The following CLSTN1 variants were observed in gnomAD, a reference collection of about 807,000 sequenced individuals.
CLSTN1 encodes calsyntenin 1.
Under a neutral mutation model 108.3 loss-of-function variants are expected in CLSTN1, and 28 were observed. The ratio of observed to expected loss-of-function variants is 0.26; its 90% CI spans 0.19 to 0.35. The LOEUF (loss-of-function observed/expected upper bound fraction) is 0.35, where lower values mean the gene tolerates loss of function less well. CLSTN1 is among the 10% of genes least tolerant of loss of function. The pLI, the probability that CLSTN1 is intolerant of heterozygous loss-of-function variation, is 1.00. For synonymous variants in CLSTN1, 524 were observed against 534.9 expected (o/e 0.98, Z 0.28); for missense variants, 1,157 against 1,302.6 (o/e 0.89, Z 1.72).
intron 2 of CLSTN1, among the ~76,000 whole-genome samples, chr1:9,770,319 TAG>T (rs1652609177): frequency 6.6e-6 from 1 of 152,234 alleles, no homozygotes. Flanking sequence ...TTATTTCATC[TAG>T]AATATCTTAA....
intron 4 of CLSTN1, among the ~76,000 whole-genome samples, chr1:9,753,974 G>A (rs952739777): frequency 4.6e-5 from 7 of 151,986 alleles, no homozygotes; most frequent in African/African-American, 1.7e-4. Flanking sequence ...CACCATACCT[G>A]GCTGTTTATG....
chr1:9,764,207 A>G (rs1652216977), intron 2 of CLSTN1, among the ~76,000 whole-genome samples: 1 of 152,008 alleles, frequency 6.6e-6, no homozygotes, highest in South Asian at 2.1e-4. Flanking sequence ...GTGGGAACTA[A>G]AAGAGTGAGA....
intron 1 of CLSTN1, among the ~76,000 whole-genome samples, chr1:9,814,938 T>C (rs919944192): frequency 1.4e-4 from 21 of 152,028 alleles, no homozygotes; most frequent in African/African-American, 4.6e-4. Context: ...TCTAAACTAG[T>C]TGTAGTTTGA....
At position 9,730,581 on chromosome 1, in the gene CLSTN1, C is replaced by CCCT. The variant is rs751635546; in HGVS notation, c.2870_2872dup (p.Glu957dup). ...TGCGTTCTGGGGGTCGCCCTGCTCCCCCTCCTCCTCCTCGCTGCTCTCCGA... is the reference window on the plus strand; with the variant it reads ...TGCGTTCTGGGGGTCGCCCTGCTCCCCCTCCTCCTCCTCCTCGCTGCTCTCCGA... On this transcript the variant is annotated inframe_insertion, in exon 19 of 19. Coordinates refer to ENST00000377298, the MANE Select transcript of CLSTN1 (RefSeq NM_001009566.3). The surrounding 1 kb of genome is among the most constrained non-coding windows in gnomAD (Gnocchi z 5.6). The CCCT allele has an allele frequency of 2.1e-5, 34 of 1,609,078 alleles. No individual in the cohort carries two copies. Among genetic ancestry groups the CCCT allele is most frequent in the Non-Finnish European group, 2.4e-5 (28 of 1,179,654 alleles).
chr1:9,751,325 T>G, intron 5 of CLSTN1, 148 bp downstream of exon 5: 1 of 696,534 alleles, frequency 1.4e-6, no homozygotes, highest in South Asian at 1.9e-5. Flanking sequence ...TTAAATGTTT[T>G]TACAATTAAA....
intron 10 of CLSTN1, among the ~76,000 whole-genome samples, chr1:9,738,319 TCA>T (rs1174381939): frequency 6.6e-6 from 1 of 152,022 alleles, no homozygotes; most frequent in Non-Finnish European, 1.5e-5. Context: ...ACTCTCCAGG[TCA>T]TGCTGAGGGG....
chr1:9,764,959 C>T (rs1201468034), intron 2 of CLSTN1, among the ~76,000 whole-genome samples: 1 of 152,184 alleles, frequency 6.6e-6, no homozygotes, highest in African/African-American at 2.4e-5. Context: ...CCATTCAAGT[C>T]AATCACGGTT....
chr1:9,789,555 G>A (rs1170422398), intron 1 of CLSTN1, among the ~76,000 whole-genome samples: 2 of 151,356 alleles, frequency 1.3e-5, no homozygotes, highest in African/African-American at 2.4e-5. Flanking sequence ...TCCCAACACC[G>A]ATACCACTTA....
At chr1:9,744,061 A>T in intron 8 of CLSTN1, 56 bp from the exon 9 acceptor site, 1 of 1,595,944 alleles carries the variant, frequency 6.3e-7, no homozygotes, top group Non-Finnish European at 8.6e-7. Flanking sequence ...AGGAGAAATT[A>T]AAGCTGTTTC....
At position 9,733,967 on chromosome 1, in the gene CLSTN1, C is replaced by T; in HGVS notation, c.2281+5G>A. On this transcript the variant is annotated splice_donor_5th_base_variant and intron_variant, in intron 15 of 18. Transcript: ENST00000377298. The stretch of plus-strand genomic sequence containing the variant: ...CCACCTGCGTGGCTGCAGCGCTCCC[C>T]TTACCTGTGAAGGTCATGCCCAGTT... 2 of 1,610,886 alleles carry T rather than the reference C, an allele frequency of 1.2e-6. No individual in the cohort carries two copies. The highest frequency in any genetic ancestry group is 1.7e-6 in the Non-Finnish European group (2 of 1,178,088).
intron 11 of CLSTN1, 32 bp from the exon 12 acceptor site, chr1:9,736,074 G>T (rs1650674562): frequency 8.1e-6 from 13 of 1,613,734 alleles, no homozygotes; most frequent in Non-Finnish European, 1.1e-5. Flanking sequence ...GCGAAGTCAG[G>T]CGTGCAACCC....
At chr1:9,772,626 G>A (rs957024832) in intron 2 of CLSTN1, among the ~76,000 whole-genome samples, 8 of 152,176 alleles carry the variant, frequency 5.3e-5, no homozygotes, top group African/African-American at 1.9e-4. Flanking sequence ...CTCTGACTTG[G>A]AAAATGCTAT....
intron 2 of CLSTN1, among the ~76,000 whole-genome samples, chr1:9,760,623 G>A (rs939398526): frequency 2.0e-5 from 3 of 150,858 alleles, no homozygotes; most frequent in African/African-American, 4.9e-5. Flanking sequence ...GAGTTCAAGC[G>A]ATTCTCCCAC....
intron 9 of CLSTN1, 90 bp downstream of exon 9, chr1:9,743,793 AG>A: frequency 2.7e-6 from 4 of 1,483,504 alleles, no homozygotes; most frequent in Non-Finnish European, 3.7e-6. Flanking sequence ...CCTGGGCTCA[AG>A]CAATCCTCGT....
At chr1:9,762,831 C>T (rs2101131982) in intron 2 of CLSTN1, among the ~76,000 whole-genome samples, 1 of 152,020 alleles carries the variant, frequency 6.6e-6, no homozygotes, top group Non-Finnish European at 1.5e-5. Flanking sequence ...CCTTGGTGCC[C>T]GCACTCAACG....
chr1:9,736,867 G>GT (rs1650717946), intron 11 of CLSTN1, among the ~76,000 whole-genome samples: 1 of 152,136 alleles, frequency 6.6e-6, no homozygotes, highest in Admixed American at 6.6e-5. Flanking sequence ...TGAGGTCAGA[G>GT]TTTGAGACCA....
intron 1 of CLSTN1, among the ~76,000 whole-genome samples, chr1:9,808,112 C>T (rs893738986): frequency 8.5e-5 from 13 of 152,196 alleles, no homozygotes; most frequent in Admixed American, 7.2e-4. Context: ...GGTTCCAGGA[C>T]GCCAGTCTAC....
Position 9,773,123 on chromosome 1 carries a change from GA to G in CLSTN1, c.214+148del, listed in dbSNP as rs1017968621. On this transcript the variant is annotated intron_variant, in intron 2 of 18. Transcript: ENST00000377298. ...TGTCAGCTACCCCAACTATTAAAAG[GA>G]AAAAAAAACATGCTACAAAGGACGC... 8.1e-5 allele frequency: 84 copies of G among 1,035,334 alleles called. No homozygotes were observed. The Middle Eastern group carries it at 8.8e-4, about 11-fold the overall frequency. 64.1% of individuals were successfully genotyped at this position (1,035,334 alleles called of 1,614,324 possible). A position where few individuals can be genotyped will look rare whatever the true frequency, so the allele number is the denominator to read the frequency against.
chr1:9,784,070 G>C (rs954613819), intron 1 of CLSTN1, among the ~76,000 whole-genome samples: 1 of 151,814 alleles, frequency 6.6e-6, no homozygotes, highest in Non-Finnish European at 1.5e-5. Context: ...TACTTGGGAG[G>C]CTGGGGCAGG....
Sources: gnomAD v4.1 joint callset for allele counts (sites outside exome capture counted in the v4.1 genomes callset) on GRCh38, gnomAD v4.1.1 for gene constraint, Gnocchi (gnomAD v3.1) non-coding constraint, MANE v1.5 for transcripts, NCBI Gene and HGNC (gene_info 2026-07-23, HGNC 2026-07-21) for gene names.